Variants in ENTREP3 observed in about 807,000 individuals in gnomAD.
The protein encoded by ENTREP3 is endosomal transmembrane epsin interactor 3, also known as protein ENTREP3.
the ENTREP3 span, among the ~76,000 whole-genome samples, chr1:155,249,164 G>A: frequency 2.0e-5 from 3 of 150,760 alleles, no homozygotes; most frequent in African/African-American, 4.9e-5. Context: ...CTTGGCTCAC[G>A]GCAACCCCTG....
the ENTREP3 span, among the ~76,000 whole-genome samples, chr1:155,249,864 T>A: frequency 4.6e-5 from 6 of 130,300 alleles, no homozygotes; most frequent in African/African-American, 1.8e-4. Context: ...CCAGCCTGGG[T>A]GACAGAGCGA....
chr1:155,253,922 C>A, the ENTREP3 span: 65 of 1,612,838 alleles, frequency 4.0e-5, 1 homozygote, highest in Admixed American at 1.7e-4. Flanking sequence ...CCTGCCCCGA[C>A]TCTGGACAGG....
At chr1:155,251,845 G>A in the ENTREP3 span, 5 of 1,535,958 alleles carry the variant, frequency 3.3e-6, no homozygotes, top group Non-Finnish European at 3.5e-6. Flanking sequence ...AGAGGGGCTG[G>A]GGGCGGGGAC....
chr1:155,251,684 C>T, the ENTREP3 span: 1 of 1,607,494 alleles, frequency 6.2e-7, no homozygotes, highest in Non-Finnish European at 8.5e-7. Context: ...CCAGGCCCAG[C>T]CCCAGTCCCC....
the ENTREP3 span, chr1:155,252,714 ATATATATATTT>A: frequency 6.1e-5 from 3 of 49,230 alleles, no homozygotes; most frequent in East Asian, 8.1e-4. Context: ...ATATATATAT[ATATATATATTT>A]TTTTTTTTTT....
At chr1:155,248,800 C>T in the ENTREP3 span, among the ~76,000 whole-genome samples, 1 of 151,710 alleles carries the variant, frequency 6.6e-6, no homozygotes, top group Non-Finnish European at 1.5e-5. Flanking sequence ...CTGCAACCTC[C>T]GCCTCCCAGG....
the ENTREP3 span, chr1:155,253,503 T>A: frequency 1.1e-5 from 7 of 646,162 alleles, no homozygotes; most frequent in Non-Finnish European, 1.9e-5. Flanking sequence ...GGATAATAGA[T>A]AACCCATAGC....
the ENTREP3 span, chr1:155,251,798 C>A: frequency 6.3e-7 from 1 of 1,586,102 alleles, no homozygotes; most frequent in Non-Finnish European, 8.6e-7. Context: ...GGGGCACAGG[C>A]GGGACAAATT....
At chr1:155,250,516 G>C in the ENTREP3 span, 2 of 1,517,202 alleles carry the variant, frequency 1.3e-6, no homozygotes, top group South Asian at 1.3e-5. This position sits in a 1 kb window ranked among gnomAD's most constrained non-coding sequence, Gnocchi z 5.4. Flanking sequence ...CCCTCCAACC[G>C]GTGGCAGCTG....
At chr1:155,250,890 T>C in the ENTREP3 span, 7 of 1,471,604 alleles carry the variant, frequency 4.8e-6, no homozygotes, top group South Asian at 9.0e-5. This position sits in a 1 kb window ranked among gnomAD's most constrained non-coding sequence, Gnocchi z 5.4. Context: ...GCAGTTCCTC[T>C]TCTCCCAAGC....
chr1:155,254,525 T>C, the ENTREP3 span: 1 of 1,580,916 alleles, frequency 6.3e-7, no homozygotes, highest in South Asian at 1.1e-5. This position sits in a 1 kb window ranked among gnomAD's most constrained non-coding sequence, Gnocchi z 4.4. Flanking sequence ...CACCACAGGA[T>C]GCACCCAGCC....
At chr1:155,249,661 C>T in the ENTREP3 span, among the ~76,000 whole-genome samples, 3,271 of 151,956 alleles carry the variant, frequency 0.022, 52 homozygotes, top group Middle Eastern at 0.045. Flanking sequence ...GGGCAGATCA[C>T]GAGGTCAGGA....
chr1:155,253,360 T>G, the ENTREP3 span: 1 of 443,716 alleles, frequency 2.3e-6, no homozygotes, highest in East Asian at 4.0e-5. Flanking sequence ...CCTTCTTGAC[T>G]CTACCCCACC....
chr1:155,247,511 A>G, the ENTREP3 span: 2 of 686,474 alleles, frequency 2.9e-6, no homozygotes, highest in Non-Finnish European at 5.3e-6. Context: ...TCTGAGGGGG[A>G]CAAGAATTTG....
chr1:155,250,766 GC>G, the ENTREP3 span: 1 of 1,611,982 alleles, frequency 6.2e-7, no homozygotes. This position sits in a 1 kb window ranked among gnomAD's most constrained non-coding sequence, Gnocchi z 5.4. Context: ...ACGGGCTAGA[GC>G]CCCCAGGGAG....
chr1:155,248,961 C>T, the ENTREP3 span, among the ~76,000 whole-genome samples: 1 of 152,068 alleles, frequency 6.6e-6, no homozygotes, highest in Non-Finnish European at 1.5e-5. Context: ...GGTGATCCAC[C>T]TGCCTTGGCC....
At chr1:155,250,373 G>A in the ENTREP3 span, 55 of 1,544,994 alleles carry the variant, frequency 3.6e-5, no homozygotes, top group African/African-American at 6.6e-4. This position sits in a 1 kb window ranked among gnomAD's most constrained non-coding sequence, Gnocchi z 5.4. Context: ...GCCCCGGTGG[G>A]GTGAGGGAAC....
chr1:155,250,597 G>A, the ENTREP3 span: 1 of 1,607,226 alleles, frequency 6.2e-7, no homozygotes, highest in Non-Finnish European at 8.5e-7. This position sits in a 1 kb window ranked among gnomAD's most constrained non-coding sequence, Gnocchi z 5.4. Flanking sequence ...CGGGCAGCCC[G>A]TGGGGGGCGC....
chr1:155,251,007 G>T, the ENTREP3 span: 3 of 1,369,296 alleles, frequency 2.2e-6, no homozygotes, highest in African/African-American at 1.4e-5. Flanking sequence ...CACCAACTCC[G>T]CCTTGTTTTC....
Sources: allele counts gnomAD v4.1 joint callset (sites outside exome capture counted in the v4.1 genomes callset), GRCh38; gene constraint gnomAD v4.1.1; non-coding constraint Gnocchi (gnomAD v3.1); transcripts MANE v1.5; gene names NCBI Gene and HGNC (gene_info 2026-07-23, HGNC 2026-07-21).